TACC3: variants seen among roughly 807,000 people sequenced by gnomAD.
The protein encoded by TACC3 is transforming acidic coiled-coil containing protein 3.
Under a neutral mutation model 86.0 loss-of-function variants are expected in TACC3, and 52 were observed. The observed-to-expected ratio is 0.60, with a 90% CI of 0.48 to 0.76. The LOEUF is 0.76. Among genes scored for constraint, TACC3 ranks in the 30% least tolerant of loss-of-function variants. The pLI, the probability that TACC3 is intolerant of heterozygous loss-of-function variation, is 0.00. For synonymous variants in TACC3, 512 were observed against 430.0 expected (o/e 1.19, Z -2.36); for missense variants, 1,120 against 1,070.4 (o/e 1.05, Z -0.65).
rs1236841773 is a variant in TACC3, at chr4:1,739,871, G to A, written c.2019-88G>A. 15 of 1,308,134 alleles carry A rather than the reference G, an allele frequency of 1.1e-5. No homozygotes were observed. The East Asian group carries it at 1.2e-4, about 10-fold the overall frequency. 81.0% of individuals were successfully genotyped at this position (1,308,134 alleles called of 1,614,324 possible). On this transcript the variant is annotated intron_variant, in intron 11 of 15. Coordinates refer to ENST00000313288, the MANE Select transcript of TACC3 (RefSeq NM_006342.3). ...CGCCATCCTTGTCCCCATCCCCCTC[G>A]CCATCCCTGTCCCCGTCCCCATCCC... is the stretch of plus-strand genomic sequence containing the variant.
At position 1,737,260 on chromosome 4, in the gene TACC3, A is replaced by G. The variant is rs149492229; in HGVS notation, c.1768A>G (p.Thr590Ala). ...TGGCAGCATGCACGGTGCAAATGAG[A>G]CTCCCTCAGGACGTCCGCGGGAAGC... ...ETSSMHGANE[T>A]PSGRPREAKL... is the part of the protein sequence containing the mutation. Residue 590 changes from threonine (T) to alanine (A), a missense_variant, in exon 9 of 16, where the codon ACT becomes GCT. Thr to Ala is a moderately conservative substitution (Grantham distance 58, BLOSUM62 0). Transcript: ENST00000313288. 6 of 1,613,622 alleles carry G rather than the reference A, an allele frequency of 3.7e-6. No homozygotes were observed. The African/African-American group carries it at 8.0e-5, about 22-fold the overall frequency.
At chr4:1,740,176 A>T in intron 12 of TACC3, 174 bp downstream of exon 12, 1 of 646,648 alleles carries the variant, frequency 1.5e-6, no homozygotes, top group Non-Finnish European at 2.7e-6. Flanking sequence ...GTTGCGGGGA[A>T]GCTGGTGGTA....
upstream of TACC3, chr4:1,721,401 C>A: frequency 6.6e-6 from 1 of 152,028 alleles, no homozygotes; most frequent in Non-Finnish European, 1.5e-5. Flanking sequence ...AGGGCGGAGC[C>A]GGCGAGGCAC....
At position 1,723,713 on chromosome 4, in the gene TACC3, C is replaced by T. The variant is rs1293597133; in HGVS notation, c.163-15C>T. The T allele has an allele frequency of 6.8e-6, 11 of 1,613,508 alleles. No homozygotes were observed. The highest frequency in any genetic ancestry group is 3.3e-5 in the Admixed American group (2 of 59,996). On this transcript the variant is annotated splice_polypyrimidine_tract_variant and intron_variant, in intron 2 of 15. Coordinates refer to ENST00000313288, the MANE Select transcript of TACC3 (RefSeq NM_006342.3). ...GAACTAATGAATAGGTGCTCTCCTC[C>T]TCACTCCGCAACAGGTGACTTTTCA...
intron 4 of TACC3, among the ~76,000 whole-genome samples, chr4:1,729,659 G>C (rs897380155): frequency 2.0e-5 from 3 of 152,192 alleles, no homozygotes; most frequent in East Asian, 3.8e-4. Context: ...CAGGTGTACA[G>C]AGCGGATCAT....
chr4:1,732,543 G>T (rs548627839), intron 6 of TACC3, among the ~76,000 whole-genome samples: 1 of 152,214 alleles, frequency 6.6e-6, no homozygotes, highest in South Asian at 2.1e-4. Context: ...AGGACACACA[G>T]CCAGGTGGGT....
chr4:1,737,012 T>C (rs1268883210), intron 8 of TACC3, among the ~76,000 whole-genome samples: 1 of 151,998 alleles, frequency 6.6e-6, no homozygotes, highest in East Asian at 1.9e-4. Context: ...CACCGTGCTC[T>C]CCCGGAAGGA....
chr4:1,723,381 G>A, intron 1 of TACC3, 40 bp from the exon 2 acceptor site: 1 of 1,596,956 alleles, frequency 6.3e-7, no homozygotes, highest in Non-Finnish European at 8.6e-7. Context: ...ATGTGGTAGT[G>A]TTGCCCTCAC....
chr4:1,723,205 C>T, intron 1 of TACC3: 1 of 590,320 alleles, frequency 1.7e-6, no homozygotes, highest in Non-Finnish European at 3.0e-6. Context: ...CCCATGGCTC[C>T]CCCTGCCAGG....
chr4:1,732,167 G>C (rs554089644), intron 6 of TACC3, among the ~76,000 whole-genome samples: 6 of 152,008 alleles, frequency 3.9e-5, no homozygotes, highest in Admixed American at 2.6e-4. Context: ...GGAGGCTGCA[G>C]TTAAATAAAT....
At chr4:1,733,490 C>A (rs1718102165) in intron 6 of TACC3, among the ~76,000 whole-genome samples, 1 of 118,508 alleles carries the variant, frequency 8.4e-6, no homozygotes, top group South Asian at 3.0e-4. Context: ...TCATCTCTAC[C>A]AAAAAAAACC....
chr4:1,736,431 A>AAAAC (rs1219077151), intron 8 of TACC3, among the ~76,000 whole-genome samples: 1 of 151,360 alleles, frequency 6.6e-6, no homozygotes, highest in East Asian at 1.9e-4. Flanking sequence ...TCAAAAAAAA[A>AAAAC]AAAAAAAAAA....
At chr4:1,725,807 G>C (rs898373964) in intron 3 of TACC3, among the ~76,000 whole-genome samples, 1 of 152,254 alleles carries the variant, frequency 6.6e-6, no homozygotes, top group Admixed American at 6.5e-5. Flanking sequence ...AGTGGGATGA[G>C]ACCAAGAGCA....
At chr4:1,737,980 T>A in intron 10 of TACC3, 1 of 527,550 alleles carries the variant, frequency 1.9e-6, no homozygotes, top group Non-Finnish European at 3.6e-6. Context: ...CTGGTGGCCT[T>A]GCAGCAGTGA....
At chr4:1,737,939 G>A (rs1407934571) in intron 10 of TACC3, 3 of 634,438 alleles carry the variant, frequency 4.7e-6, no homozygotes, top group Non-Finnish European at 8.8e-6. Flanking sequence ...AGCCTCCCCG[G>A]GACTCTCCGG....
chr4:1,735,818 G>T lies in TACC3; in HGVS notation c.1732G>T (p.Ala578Ser). The T allele has an allele frequency of 6.3e-7, 1 of 1,592,862 alleles. No individual in the cohort carries two copies. The highest frequency in any genetic ancestry group is 8.6e-7 in the Non-Finnish European group (1 of 1,165,574). Reference sequence around the variant, plus strand: ...CAGTCCTGGTAGACCAGTGCCCGTGGCCACCGAGACCAGCAGGTATGTGCG... The same window carrying T: ...CAGTCCTGGTAGACCAGTGCCCGTGTCCACCGAGACCAGCAGGTATGTGCG... ...RDSPGRPVPV[A>S]TETSSMHGAN... Residue 578 changes from alanine (A) to serine (S), a missense_variant, in exon 8 of 16, where the codon GCC becomes TCC. Physicochemically the swap from Ala to Ser is moderately conservative, Grantham distance 99. Coordinates refer to ENST00000313288, the MANE Select transcript of TACC3 (RefSeq NM_006342.3). The surrounding 1 kb of genome is among the most constrained non-coding windows in gnomAD (Gnocchi z 4.2).
At chr4:1,736,529 C>T (rs756260613) in intron 8 of TACC3, among the ~76,000 whole-genome samples, 3 of 151,834 alleles carry the variant, frequency 2.0e-5, no homozygotes, top group African/African-American at 4.8e-5. Context: ...CGTCACAGAG[C>T]CATGCCCGTT....
At chr4:1,743,287 G>T (rs1241345603) in intron 13 of TACC3, among the ~76,000 whole-genome samples, 6 of 151,302 alleles carry the variant, frequency 4.0e-5, no homozygotes, top group Non-Finnish European at 8.8e-5. Flanking sequence ...GGGCACAGTG[G>T]CTCACGCCTG....
At chr4:1,740,603 C>T (rs1017506813) in intron 12 of TACC3, 3 of 494,370 alleles carry the variant, frequency 6.1e-6, no homozygotes, top group East Asian at 3.6e-5. Flanking sequence ...GGCCCAGGCT[C>T]CAGTTCCCTG....
Sources: allele counts gnomAD v4.1 joint callset (sites outside exome capture counted in the v4.1 genomes callset), GRCh38; gene constraint gnomAD v4.1.1; non-coding constraint Gnocchi (gnomAD v3.1); transcripts MANE v1.5; gene names NCBI Gene and HGNC (gene_info 2026-07-23, HGNC 2026-07-21).